Variants in PHF14 observed in about 807,000 individuals in gnomAD.
PHF14 encodes the protein PHD finger protein 14.
A neutral mutation model predicts 117.9 loss-of-function variants in PHF14; 55 were observed. That is an observed-to-expected ratio of 0.47 (90% CI 0.38 to 0.58). The LOEUF (loss-of-function observed/expected upper bound fraction) is 0.58, where lower values mean the gene tolerates loss of function less well. Ranked by LOEUF, PHF14 falls within the 20% of genes least tolerant of loss-of-function variation. The pLI is 0.00. For missense variants in PHF14, 978 were observed against 1,122.2 expected, an observed-to-expected ratio of 0.87 and a Z score of 1.84; for synonymous variants, 409 against 368.6, an observed-to-expected ratio of 1.11 and a Z score of -1.26.
intron 4 of PHF14, among the ~76,000 whole-genome samples, chr7:11,008,166 A>T (rs1783192314): frequency 6.6e-6 from 1 of 152,206 alleles, no homozygotes; most frequent in African/African-American, 2.4e-5. Flanking sequence ...ATTAAATGAG[A>T]TAAGGCTTAC....
intron 17 of PHF14, among the ~76,000 whole-genome samples, chr7:11,147,912 T>A (rs532362409): frequency 1.3e-5 from 2 of 152,206 alleles, no homozygotes; most frequent in Non-Finnish European, 2.9e-5. Flanking sequence ...AACTTAATGT[T>A]ACCAAAATAG....
chr7:11,071,338 C>T (rs1354313477), intron 16 of PHF14: 6 of 509,352 alleles, frequency 1.2e-5, no homozygotes, highest in Non-Finnish European at 2.3e-5. Flanking sequence ...GCATCTTCTT[C>T]CAAGCTATTC....
At chr7:11,138,709 C>T (rs1239376791) in intron 17 of PHF14, among the ~76,000 whole-genome samples, 3 of 152,218 alleles carry the variant, frequency 2.0e-5, no homozygotes, top group South Asian at 2.1e-4. Context: ...GAAAAGAGAT[C>T]GTGAGAGATA....
intron 17 of PHF14, among the ~76,000 whole-genome samples, chr7:11,168,832 TA>T (rs1789285286): frequency 1.3e-5 from 2 of 152,138 alleles, no homozygotes; most frequent in African/African-American, 4.8e-5. Context: ...AAGCAGACAT[TA>T]TGATGTCATT....
chr7:11,097,470 TAG>T (rs547678873), intron 16 of PHF14, among the ~76,000 whole-genome samples: 87 of 152,316 alleles, frequency 5.7e-4, no homozygotes, highest in African/African-American at 1.8e-3. Context: ...TTAGGCGTAG[TAG>T]TAGGCCTTTA....
intron 17 of PHF14, among the ~76,000 whole-genome samples, chr7:11,153,965 G>GTGTGTA (rs1038028415): frequency 6.6e-6 from 1 of 151,592 alleles, no homozygotes; most frequent in African/African-American, 2.4e-5. Context: ...GTGTGTGTGT[G>GTGTGTA]TGTGTGTTTT....
At chr7:11,062,130 ATATT>A (rs760166248) in intron 16 of PHF14, 45 bp downstream of exon 16, 2 of 1,513,496 alleles carry the variant, frequency 1.3e-6, no homozygotes, top group South Asian at 2.6e-5. Flanking sequence ...TGAAAGTTCT[ATATT>A]TATTTTCTCA....
chr7:11,084,551 G>A (rs1232241555), intron 16 of PHF14, among the ~76,000 whole-genome samples: 5 of 149,512 alleles, frequency 3.3e-5, no homozygotes, highest in African/African-American at 1.2e-4. Flanking sequence ...AGTAAATATA[G>A]AACTAAGCCA....
intron 16 of PHF14, among the ~76,000 whole-genome samples, chr7:11,080,679 C>T (rs2040982): frequency 6.6e-6 from 1 of 152,080 alleles, no homozygotes; most frequent in Non-Finnish European, 1.5e-5. Context: ...CAACTCTTTT[C>T]TAGATCAAAA....
At chr7:11,126,327 A>G (rs1724786867) in intron 17 of PHF14, among the ~76,000 whole-genome samples, 1 of 152,080 alleles carries the variant, frequency 6.6e-6, no homozygotes. Context: ...AACAATTTTC[A>G]GAGTGTGAAT....
intron 17 of PHF14, among the ~76,000 whole-genome samples, chr7:11,115,348 CA>C (rs1369811864): frequency 6.6e-6 from 1 of 152,008 alleles, no homozygotes; most frequent in Admixed American, 6.6e-5. Flanking sequence ...AGTAGATATA[CA>C]AAATGACTCA....
chr7:11,087,968 A>G (rs1786482566), intron 16 of PHF14, among the ~76,000 whole-genome samples: 1 of 152,222 alleles, frequency 6.6e-6, no homozygotes, highest in Non-Finnish European at 1.5e-5. Flanking sequence ...TAATTTTATA[A>G]GTTCTAATTT....
chr7:11,016,110 A>G (rs796647059), intron 5 of PHF14, among the ~76,000 whole-genome samples: 7 of 151,874 alleles, frequency 4.6e-5, no homozygotes, highest in African/African-American at 1.7e-4. Context: ...TTTTTTTTGG[A>G]TACTGTGGAC....
intron 16 of PHF14, among the ~76,000 whole-genome samples, chr7:11,098,320 C>T (rs1015322983): frequency 2.6e-5 from 4 of 152,088 alleles, no homozygotes; most frequent in Admixed American, 6.6e-5. Context: ...CTATGGCTTC[C>T]TTGAGACCTT....
rs1036997871 is a variant in PHF14 at position 11,042,800 on chromosome 7, CA to C, written c.2303del (p.Asn768ThrfsTer41). 4 of 1,575,742 alleles carry C rather than the reference CA, an allele frequency of 2.5e-6. No homozygotes were observed. Among genetic ancestry groups the C allele is most frequent in the Non-Finnish European group, 2.6e-6 (3 of 1,157,190 alleles). ...PPLTRMPRKT[K>X]NSYWQCSECD... ...CTCTTACAAGGATGCCAAGAAAGAC[CA>C]AAAACAGTTATTGGTGAGTAAAATA... On this transcript the variant is annotated frameshift_variant, in exon 13 of 18. Transcript: ENST00000634607. LOFTEE classifies it high-confidence loss of function.
intron 17 of PHF14, among the ~76,000 whole-genome samples, chr7:11,113,671 A>C (rs1452410054): frequency 6.6e-6 from 1 of 152,134 alleles, no homozygotes; most frequent in Non-Finnish European, 1.5e-5. Context: ...CCGGAGACTT[A>C]ATTGATTCCC....
intron 17 of PHF14, among the ~76,000 whole-genome samples, chr7:11,146,256 A>G (rs762851966): frequency 6.6e-6 from 1 of 152,278 alleles, no homozygotes; most frequent in East Asian, 1.9e-4. Flanking sequence ...CAGATGGGAT[A>G]TATCTGCCAC....
intron 4 of PHF14, among the ~76,000 whole-genome samples, chr7:10,997,900 C>T (rs536876643): frequency 2.0e-5 from 3 of 152,148 alleles, no homozygotes; most frequent in Admixed American, 6.5e-5. Context: ...TTCCGCTGTT[C>T]ACACAAGCCA....
At chr7:11,159,503 A>G (rs533092107) in intron 17 of PHF14, among the ~76,000 whole-genome samples, 1 of 152,236 alleles carries the variant, frequency 6.6e-6, no homozygotes, top group Admixed American at 6.5e-5. Context: ...TATTTAATAC[A>G]TATGAAATGA....
Sources: allele counts gnomAD v4.1 joint callset (sites outside exome capture counted in the v4.1 genomes callset), GRCh38; gene constraint gnomAD v4.1.1; transcripts MANE v1.5; gene names NCBI Gene and HGNC (gene_info 2026-07-23, HGNC 2026-07-21).